Variants in EPHA3 observed in about 807,000 individuals in gnomAD.
The protein encoded by EPHA3 is EPH receptor A3.
EPHA3 carries 42 observed loss-of-function variants against 107.1 expected under a neutral mutation model. The ratio of observed to expected loss-of-function variants is 0.39; its 90% confidence interval spans 0.31 to 0.51. The LOEUF (loss-of-function observed/expected upper bound fraction) is 0.51, where lower values mean the gene tolerates loss of function less well. EPHA3 is among the 20% of genes least tolerant of loss of function. The pLI is 0.78. For synonymous variants in EPHA3, 461 were observed against 424.8 expected (o/e 1.09, Z -1.05); for missense variants, 1,183 against 1,211.2 (o/e 0.98, Z 0.35).
At chr3:89,387,974 C>A (rs1216826011) in intron 5 of EPHA3, among the ~76,000 whole-genome samples, 2 of 151,900 alleles carry the variant, frequency 1.3e-5, no homozygotes, top group Admixed American at 6.6e-5. Context: ...ATACTGTTAT[C>A]AAAAAATCGG....
chr3:89,367,907 T>C (rs761939408), intron 5 of EPHA3, among the ~76,000 whole-genome samples: 3 of 150,736 alleles, frequency 2.0e-5, no homozygotes, highest in Non-Finnish European at 4.5e-5. Context: ...ATTTCTCTTA[T>C]GGTGCTCCTC....
chr3:89,340,946 A>T lies in EPHA3; in HGVS notation c.845A>T (p.Asp282Val). Reference sequence around the variant, plus strand: ...CGACCAGGTTTCTACAAGGCATTGGATGGTAATATGAAGTGTGCTAAGTGC... The same window carrying T: ...CGACCAGGTTTCTACAAGGCATTGGTTGGTAATATGAAGTGTGCTAAGTGC... ...ACRPGFYKAL[D>V]GNMKCAKCPP... The change falls in exon 4 of 17, where the codon GAT becomes GTT. Residue 282 changes from aspartate to valine, a missense_variant. Coordinates refer to ENST00000336596, the MANE Select transcript of EPHA3 (RefSeq NM_005233.6). 1.2e-6 allele frequency: 2 copies of T among 1,613,400 alleles called. No individual in the cohort carries two copies. Among genetic ancestry groups the T allele is most frequent in the Non-Finnish European group, 1.7e-6 (2 of 1,179,712 alleles).
rs560906170 is a variant in EPHA3 at position 89,210,471 on chromosome 3, C to A, written c.765C>A (p.Gly255=). 1 of 1,588,224 alleles carries A rather than the reference C, an allele frequency of 6.3e-7. No individual in the cohort carries two copies. The highest frequency in any genetic ancestry group is 1.2e-5 in the South Asian group (1 of 85,956). Residue 255 remains glycine (G), a synonymous_variant, in exon 3 of 17, where the codon GGC becomes GGA. Coordinates refer to ENST00000336596, the MANE Select transcript of EPHA3 (RefSeq NM_005233.6). ...AAGGCGAATGGCTTGTACCCATTGG[C>A]AAGTGTTCCTGCAATGCTGGCTATG... ...STEGEWLVPI[G]KCSCNAGYEE...
chr3:89,383,185 G>A (rs575399367), intron 5 of EPHA3, among the ~76,000 whole-genome samples: 1 of 152,076 alleles, frequency 6.6e-6, no homozygotes, highest in African/African-American at 2.4e-5. Flanking sequence ...TATAGTTGTA[G>A]TTTGCTAATA....
At chr3:89,390,414 C>G (rs887022057) in intron 5 of EPHA3, among the ~76,000 whole-genome samples, 8 of 152,018 alleles carry the variant, frequency 5.3e-5, no homozygotes, top group African/African-American at 1.9e-4. Context: ...TCCTGGTCAT[C>G]ATGATGAAAC....
chr3:89,286,697 G>A (rs545073005), intron 3 of EPHA3, among the ~76,000 whole-genome samples: 1 of 152,260 alleles, frequency 6.6e-6, no homozygotes, highest in South Asian at 2.1e-4. Context: ...AGTGTAACAG[G>A]TTTTAGGAAG....
At chr3:89,474,718 G>C (rs898228718) in intron 16 of EPHA3, among the ~76,000 whole-genome samples, 33 of 152,198 alleles carry the variant, frequency 2.2e-4, no homozygotes, top group Non-Finnish European at 4.4e-4. Flanking sequence ...TATAAGCTAT[G>C]AATGTGATAA....
chr3:89,321,747 T>C (rs1707047642), intron 3 of EPHA3, among the ~76,000 whole-genome samples: 1 of 152,090 alleles, frequency 6.6e-6, no homozygotes. Flanking sequence ...AATAAATGCC[T>C]TAATAGCAAC....
At chr3:89,429,198 T>C (rs1329718745) in intron 12 of EPHA3, 31 bp downstream of exon 12, 1 of 1,540,956 alleles carries the variant, frequency 6.5e-7, no homozygotes, top group Non-Finnish European at 8.9e-7. Flanking sequence ...TACATATATA[T>C]GAATAAATTG....
chr3:89,265,873 G>A (rs1033257984), intron 3 of EPHA3, among the ~76,000 whole-genome samples: 2 of 152,028 alleles, frequency 1.3e-5, no homozygotes, highest in African/African-American at 4.8e-5. Flanking sequence ...TGCCTTTGGG[G>A]AATGTGATAC....
chr3:89,221,486 T>C (rs1284783047), intron 3 of EPHA3, among the ~76,000 whole-genome samples: 1 of 152,250 alleles, frequency 6.6e-6, no homozygotes, highest in Non-Finnish European at 1.5e-5. Context: ...TTATTTATTC[T>C]CTTTATGTAC....
chr3:89,359,620 C>T (rs1374673186), intron 5 of EPHA3, among the ~76,000 whole-genome samples: 1 of 149,088 alleles, frequency 6.7e-6, no homozygotes, highest in Non-Finnish European at 1.5e-5. Flanking sequence ...AATATATATT[C>T]CTCTACTATC....
intron 2 of EPHA3, among the ~76,000 whole-genome samples, chr3:89,158,249 A>G (rs1293038735): frequency 6.6e-6 from 1 of 152,070 alleles, no homozygotes; most frequent in East Asian, 1.9e-4. Flanking sequence ...AATGTTCTAA[A>G]CCATTTTTAG....
At chr3:89,398,136 T>C (rs199976586) in intron 6 of EPHA3, among the ~76,000 whole-genome samples, 2 of 152,302 alleles carry the variant, frequency 1.3e-5, no homozygotes, top group East Asian at 3.9e-4. Flanking sequence ...ATTTCGCTGA[T>C]GGTGATTAAC....
At position 89,166,150 on chromosome 3, in the gene EPHA3, G is replaced by A. The variant is rs932322205; in HGVS notation, c.153+38877G>A. 7.2e-5 allele frequency among the ~76,000 whole-genome samples: 11 copies of A among 152,142 alleles called. No homozygotes were observed. The East Asian group carries it at 1.5e-3, about 21-fold the overall frequency. Reference sequence around the variant, plus strand: ...GGTCTGGTTCTCAGCCTAAACGTCCGGGTAGTTTTCCCTGTTCCACCGTCT... The same window carrying A: ...GGTCTGGTTCTCAGCCTAAACGTCCAGGTAGTTTTCCCTGTTCCACCGTCT... On this transcript the variant is annotated intron_variant, in intron 2 of 16. Transcript: ENST00000336596.
chr3:89,352,301 C>T (rs1340003556), intron 5 of EPHA3, among the ~76,000 whole-genome samples: 2 of 151,184 alleles, frequency 1.3e-5, no homozygotes, highest in East Asian at 3.9e-4. Flanking sequence ...AGGGATTAAA[C>T]TGGAAATCCA....
At chr3:89,428,208 A>C (rs1262998743) in intron 11 of EPHA3, among the ~76,000 whole-genome samples, 4 of 151,956 alleles carry the variant, frequency 2.6e-5, no homozygotes, top group Non-Finnish European at 4.4e-5. Context: ...CAGTTTCCGA[A>C]AGTGACAGCA....
intron 5 of EPHA3, among the ~76,000 whole-genome samples, chr3:89,375,439 A>C (rs1350903425): frequency 6.6e-6 from 1 of 151,706 alleles, no homozygotes; most frequent in African/African-American, 2.4e-5. Context: ...AATAAGTATT[A>C]ATCATTTTAC....
chr3:89,457,441 C>A (rs1207713670), intron 15 of EPHA3, among the ~76,000 whole-genome samples: 1 of 152,098 alleles, frequency 6.6e-6, no homozygotes, highest in Non-Finnish European at 1.5e-5. Context: ...GGAGAGCAAA[C>A]CCTGTTGTGA....
Sources: allele counts gnomAD v4.1 joint callset (sites outside exome capture counted in the v4.1 genomes callset), GRCh38; gene constraint gnomAD v4.1.1; transcripts MANE v1.5; gene names NCBI Gene and HGNC (gene_info 2026-07-23, HGNC 2026-07-21).